Variants in TAF5 observed in about 807,000 individuals in gnomAD.
TAF5 encodes TATA-box binding protein associated factor 5, also known as transcription initiation factor TFIID subunit 5.
TAF5 carries 20 observed loss-of-function variants against 80.9 expected under a neutral mutation model. The ratio of observed to expected loss-of-function variants is 0.25; its 90% CI spans 0.17 to 0.36. TAF5 has a LOEUF of 0.36. Ranked by LOEUF, TAF5 falls within the 10% of genes least tolerant of loss-of-function variation. The pLI, the probability that TAF5 is intolerant of heterozygous loss-of-function variation, is 1.00. For synonymous variants in TAF5, 388 were observed against 406.4 expected, an observed-to-expected ratio of 0.95 and a Z score of 0.55; for missense variants, 863 against 1,029.4, an observed-to-expected ratio of 0.84 and a Z score of 2.21.
intron 7 of TAF5, among the ~76,000 whole-genome samples, chr10:103,384,615 G>C (rs2093391337): frequency 6.6e-6 from 1 of 152,136 alleles, no homozygotes; most frequent in Admixed American, 6.6e-5. Context: ...TGGGTGATAA[G>C]AGCAAAACTC....
chr10:103,385,833 G>A (rs1270572041), intron 8 of TAF5, among the ~76,000 whole-genome samples: 1 of 146,756 alleles, frequency 6.8e-6, no homozygotes, highest in African/African-American at 2.5e-5. Flanking sequence ...GCTGAGGCAG[G>A]AGAATCATTT....
At chr10:103,386,719 A>T (rs565698492) in intron 8 of TAF5, among the ~76,000 whole-genome samples, 5 of 147,318 alleles carry the variant, frequency 3.4e-5, no homozygotes, top group African/African-American at 1.2e-4. Context: ...GCTGGAGTGC[A>T]GTGTCGCCAT....
At position 103,379,604 on chromosome 10, in the gene TAF5, G is replaced by T; in HGVS notation, c.1114-4G>T. The T allele has an allele frequency of 1.3e-6, 2 of 1,573,994 alleles. No individual in the cohort carries two copies. Among genetic ancestry groups the T allele is most frequent in the Non-Finnish European group, 1.7e-6 (2 of 1,168,994 alleles). ...TTAAAAATGTTGGCTCTTTTGACTT[G>T]TAGGTATTTTTTGGTTTATTAAAAG... is the stretch of plus-strand genomic sequence containing the variant. On this transcript the variant is annotated splice_polypyrimidine_tract_variant and splice_region_variant and intron_variant, in intron 3 of 10. Coordinates refer to ENST00000369839, the MANE Select transcript of TAF5 (RefSeq NM_006951.5).
Position 103,387,708 on chromosome 10 carries a change from T to G in TAF5, c.2185+10T>G. On this transcript the variant is annotated intron_variant, in intron 10 of 10. Transcript: ENST00000369839. ...GAAATTTTGGCATCAGGTAAATGAC[T>G]ATTAATGGCTTTACGATAAATGCTA... 1 of 1,605,538 alleles carries G rather than the reference T, an allele frequency of 6.2e-7. No homozygotes were observed. Among genetic ancestry groups the G allele is most frequent in the Non-Finnish European group, 8.5e-7 (1 of 1,176,232 alleles).
In TAF5 at chr10:103,380,036, G is replaced by A. The variant is rs1564745340; in HGVS notation, c.1413+17G>A. On this transcript the variant is annotated intron_variant, in intron 5 of 10. Transcript: ENST00000369839. ...GCTTACCAGGTTGGTAAAAAAATTG[G>A]GCGATTTCTGCCTGGAGAGTCATGT... 4 of 1,606,870 alleles carry A rather than the reference G, an allele frequency of 2.5e-6. No homozygotes were observed. The East Asian group carries it at 8.9e-5, about 36-fold the overall frequency.
Position 103,385,446 on chromosome 10 carries a change from A to G in TAF5, c.1785A>G (p.Pro595=), listed in dbSNP as rs775788088. 4 of 1,614,074 alleles carry G rather than the reference A, an allele frequency of 2.5e-6. No individual in the cohort carries two copies. The highest frequency in any genetic ancestry group is 2.5e-6 in the Non-Finnish European group (3 of 1,180,010). ...CAGTATGGGACACACAATTTTCTCC[A>G]TATGGATATTATTTTGTGTCAGGGG... is the stretch of plus-strand genomic sequence containing the variant. The part of the protein sequence containing the change: ...NYPVWDTQFS[P]YGYYFVSGGH... Residue 595 remains proline (P), a synonymous_variant, in exon 8 of 11, where the codon CCA becomes CCG. Transcript: ENST00000369839.
chr10:103,368,477 C>T lies in TAF5; in HGVS notation c.488C>T (p.Pro163Leu). 1 of 1,580,694 alleles carries T rather than the reference C, an allele frequency of 6.3e-7. No homozygotes were observed. ...GCCCCTGGCCCTGCGGCCCCCGACC[C>T]TCCGGGCACTGGCGCTTCGGGGGCC... The part of the protein sequence containing the change: ...ASAPGPAAPD[P>L]PGTGASGATV... The change falls in exon 1 of 11, where the codon CCT becomes CTT. Residue 163 changes from proline to leucine, a missense_variant. Pro to Leu is a moderately conservative substitution (Grantham distance 98). Around this residue, in one of 3 missense-constraint regions of TAF5, gnomAD observed 367 missense variants for 335.5 expected, o/e 1.09. Transcript: ENST00000369839.
chr10:103,372,184 C>G (rs1299674533), intron 1 of TAF5, among the ~76,000 whole-genome samples: 1 of 151,920 alleles, frequency 6.6e-6, no homozygotes, highest in African/African-American at 2.4e-5. Flanking sequence ...ATCTGCCCGC[C>G]TCAGCCTCTC....
rs1331720504 is a variant in TAF5 at position 103,368,037 on chromosome 10, G to A, written c.48G>A (p.Glu16=). 4 of 1,458,596 alleles carry A rather than the reference G, an allele frequency of 2.7e-6. No homozygotes were observed. Among genetic ancestry groups the A allele is most frequent in the Middle Eastern group, 1.9e-4 (1 of 5,318 alleles). 90.4% of individuals were successfully genotyped at this position (1,458,596 alleles called of 1,614,324 possible). The stretch of plus-strand genomic sequence containing the variant: ...AGACGGAGGTGGCGGTCAAGCTAGA[G>A]CCTGAGGGACCGCCAACGCTGCTAC... ...EEQTEVAVKL[E]PEGPPTLLPP... Residue 16 remains glutamate, a synonymous_variant, in exon 1 of 11, where the codon GAG becomes GAA. Coordinates refer to ENST00000369839, the MANE Select transcript of TAF5 (RefSeq NM_006951.5).
At chr10:103,372,906 A>G (rs1238428172) in intron 1 of TAF5, among the ~76,000 whole-genome samples, 2 of 151,218 alleles carry the variant, frequency 1.3e-5, no homozygotes, top group South Asian at 2.1e-4. Flanking sequence ...AAAAAGAAAA[A>G]AAAAAAAGAC....
chr10:103,381,966 T>C (rs2093384013), intron 6 of TAF5, 125 bp downstream of exon 6: 2 of 1,343,678 alleles, frequency 1.5e-6, no homozygotes, highest in East Asian at 4.6e-5. Flanking sequence ...TAACTCAAGA[T>C]TCTAACATTC....
chr10:103,379,792 A>C, intron 4 of TAF5, 21 bp downstream of exon 4: 2 of 1,591,848 alleles, frequency 1.3e-6, no homozygotes, highest in Middle Eastern at 1.7e-4. Flanking sequence ...AACTTCAGGA[A>C]CTTGTGTGTG....
chr10:103,368,039 C>T lies in TAF5; in HGVS notation c.50C>T (p.Pro17Leu). ...ACGGAGGTGGCGGTCAAGCTAGAGC[C>T]TGAGGGACCGCCAACGCTGCTACCT... ...EQTEVAVKLE[P>L]EGPPTLLPPQ... The change falls in exon 1 of 11, where the codon CCT (proline) becomes CTT (leucine). Residue 17 changes from proline to leucine, a missense_variant. Physicochemically the swap from Pro to Leu is moderately conservative, Grantham distance 98. Transcript: ENST00000369839. 2 of 1,454,610 alleles carry T rather than the reference C, an allele frequency of 1.4e-6. No homozygotes were observed. The allele number at this position is 1,454,610 out of a possible 1,614,324, so 90.1% of individuals were successfully genotyped here.
At position 103,368,073 on chromosome 10, in the gene TAF5, G is replaced by A; in HGVS notation, c.84G>A (p.Ala28=). 2 of 1,430,654 alleles carry A rather than the reference G, an allele frequency of 1.4e-6. No homozygotes were observed. The highest frequency in any genetic ancestry group is 1.8e-6 in the Non-Finnish European group (2 of 1,094,018). The allele number at this position is 1,430,654 out of a possible 1,614,324, so 88.6% of individuals were successfully genotyped here. A position where few individuals can be genotyped will look rare whatever the true frequency, so the allele number is the denominator to read the frequency against. The part of the protein sequence containing the change: ...EGPPTLLPPQ[A]GDGAGEGSGG... ...CGCCAACGCTGCTACCTCCGCAGGCGGGGGACGGCGCAGGCGAGGGTAGCG... is the reference window on the plus strand; with the variant it reads ...CGCCAACGCTGCTACCTCCGCAGGCAGGGGACGGCGCAGGCGAGGGTAGCG... Residue 28 remains alanine, a synonymous_variant, in exon 1 of 11, where the codon GCG becomes GCA. Transcript: ENST00000369839.
chr10:103,378,530 C>T lies in TAF5; in HGVS notation c.1093C>T (p.Arg365Ter), dbSNP rs1397490322. 8 of 1,613,156 alleles carry T rather than the reference C, an allele frequency of 5.0e-6. No homozygotes were observed. Among genetic ancestry groups the T allele is most frequent in the South Asian group, 1.1e-5 (1 of 90,986 alleles). ...MVGSLAGEAK[R>*]EANKSKVFFG... ...GGGAAGTTTGGCAGGAGAGGCTAAACGAGAGGCAAACAAATCAAAGGTATG... is the reference window on the plus strand; with the variant it reads ...GGGAAGTTTGGCAGGAGAGGCTAAATGAGAGGCAAACAAATCAAAGGTATG... The change falls in exon 3 of 11, where the codon CGA becomes TGA. Residue 365 changes from arginine to a stop codon, truncating the protein, a stop_gained. Coordinates refer to ENST00000369839, the MANE Select transcript of TAF5 (RefSeq NM_006951.5). LOFTEE classifies it high-confidence loss of function. The surrounding 1 kb of genome is among the most constrained non-coding windows in gnomAD (Gnocchi z 4.1).
chr10:103,368,202 C>T lies in TAF5; in HGVS notation c.213C>T (p.Ser71=), dbSNP rs776748330. 3.0e-5 allele frequency: 42 copies of T among 1,400,610 alleles called. No homozygotes were observed. Among genetic ancestry groups the T allele is most frequent in the Non-Finnish European group, 3.7e-6 (4 of 1,078,826 alleles). The allele number at this position is 1,400,610 out of a possible 1,614,324, so 86.8% of individuals were successfully genotyped here. ...GGTPKPTVAV[S]AAAPAGAAPV... The stretch of plus-strand genomic sequence containing the variant: ...CCCCCAAGCCCACGGTGGCTGTCTC[C>T]GCCGCTGCCCCGGCGGGGGCGGCCC... The change falls in exon 1 of 11, where the codon TCC becomes TCT. Residue 71 remains serine, a synonymous_variant. Transcript: ENST00000369839.
chr10:103,373,436 T>C lies in TAF5; in HGVS notation c.638T>C (p.Met213Thr). 6.2e-7 allele frequency: 1 copy of C among 1,614,160 alleles called. No homozygotes were observed. Among genetic ancestry groups the C allele is most frequent in the Non-Finnish European group, 8.5e-7 (1 of 1,180,022 alleles). Residue 213 changes from methionine (M) to threonine (T), a missense_variant, in exon 2 of 11, where the codon ATG (methionine) becomes ACG (threonine). By Grantham distance (81) the Met-to-Thr change is moderately conservative. Coordinates refer to ENST00000369839, the MANE Select transcript of TAF5 (RefSeq NM_006951.5). ...SAYNQQGDPTMYEEYYSGLKH... is the reference protein window; with the variant it reads ...SAYNQQGDPTTYEEYYSGLKH... ...TACAACCAACAAGGAGATCCCACAA[T>C]GTATGAAGAATACTATAGTGGACTG...
intron 1 of TAF5, among the ~76,000 whole-genome samples, chr10:103,371,408 G>A (rs964169178): frequency 6.6e-6 from 1 of 152,066 alleles, no homozygotes; most frequent in African/African-American, 2.4e-5. Context: ...GAGGAAAAGA[G>A]GCCATCAGAG....
intron 7 of TAF5, among the ~76,000 whole-genome samples, chr10:103,384,383 C>A (rs1386863785): frequency 6.6e-6 from 1 of 152,196 alleles, no homozygotes; most frequent in Non-Finnish European, 1.5e-5. Context: ...ATAATCCCAG[C>A]ACTTTGGGAG....
Sources: gnomAD v4.1 joint callset for allele counts (sites outside exome capture counted in the v4.1 genomes callset) on GRCh38, gnomAD v4.1.1 for gene constraint, gnomAD v4.1.1 regional missense constraint, Gnocchi (gnomAD v3.1) non-coding constraint, MANE v1.5 for transcripts, NCBI Gene and HGNC (gene_info 2026-07-23, HGNC 2026-07-21) for gene names.